SRGAP3: variants seen among roughly 807,000 people sequenced by gnomAD.
SRGAP3 encodes SLIT-ROBO Rho GTPase activating protein 3.
SRGAP3 carries 39 observed loss-of-function variants against 121.1 expected under a neutral mutation model. The observed-to-expected ratio is 0.32, with a 90% CI of 0.25 to 0.42. The LOEUF (loss-of-function observed/expected upper bound fraction) is 0.42, where lower values mean the gene tolerates loss of function less well. Ranked by LOEUF, SRGAP3 falls within the 10% of genes least tolerant of loss-of-function variation. The probability of loss-of-function intolerance (pLI) is 1.00; values close to 1 mark genes in which losing one functional copy is unlikely to be tolerated. For missense variants in SRGAP3, 1,213 were observed against 1,470.6 expected (o/e 0.82, Z 2.86); for synonymous variants, 601 against 570.0 (o/e 1.05, Z -0.77).
At chr3:9,256,527 T>C (rs1234256638) in intron 3 of SRGAP3, among the ~76,000 whole-genome samples, 1 of 151,828 alleles carries the variant, frequency 6.6e-6, no homozygotes, top group Non-Finnish European at 1.5e-5. Context: ...GCTTAAAGCT[T>C]ACACTTTGAG....
intron 1 of SRGAP3, among the ~76,000 whole-genome samples, chr3:9,352,757 C>T (rs2030263427): frequency 6.6e-6 from 1 of 152,252 alleles, no homozygotes; most frequent in African/African-American, 2.4e-5. Flanking sequence ...GTCTCATCAA[C>T]TCTGTGACTT....
At chr3:9,099,264 G>A (rs1948111908) in intron 3 of SRGAP3, among the ~76,000 whole-genome samples, 1 of 152,104 alleles carries the variant, frequency 6.6e-6, no homozygotes, top group South Asian at 2.1e-4. Flanking sequence ...CCCCCACATG[G>A]CCTCGCTTCT....
intron 5 of SRGAP3, among the ~76,000 whole-genome samples, chr3:9,063,475 T>A (rs1243993242): frequency 6.6e-6 from 1 of 151,874 alleles, no homozygotes; most frequent in Non-Finnish European, 1.5e-5. Context: ...CATGTTTTTT[T>A]AAGAGCAACA....
chr3:9,098,154 T>C (rs1948065562), intron 3 of SRGAP3, among the ~76,000 whole-genome samples: 1 of 152,190 alleles, frequency 6.6e-6, no homozygotes, highest in Admixed American at 6.5e-5. Context: ...GTGATAACCA[T>C]CCCTCTCTGC....
intron 1 of SRGAP3, chr3:9,125,119 G>T (rs1457526958): frequency 1.7e-5 from 11 of 647,130 alleles, no homozygotes; most frequent in Admixed American, 2.8e-5. Context: ...TTTTGCCATT[G>T]ATCTAACCAA....
At chr3:9,065,276 A>C (rs1490948672) in intron 4 of SRGAP3, 4 of 152,214 alleles carry the variant, frequency 2.6e-5, no homozygotes, top group Non-Finnish European at 5.9e-5. Flanking sequence ...TAATAAAAAA[A>C]ATGGATATTG....
intron 3 of SRGAP3, among the ~76,000 whole-genome samples, chr3:9,311,674 T>C (rs1420130426): frequency 2.0e-5 from 3 of 152,186 alleles, no homozygotes; most frequent in Non-Finnish European, 4.4e-5. Flanking sequence ...TATTCAAATA[T>C]GTAAAAGCCC....
chr3:9,088,638 C>T (rs564860729), intron 3 of SRGAP3, among the ~76,000 whole-genome samples: 33 of 152,188 alleles, frequency 2.2e-4, no homozygotes, highest in Non-Finnish European at 4.6e-4. Context: ...CTCCCCCTCT[C>T]CTGCCCAATT....
chr3:9,017,735 A>C (rs180854175), intron 14 of SRGAP3, among the ~76,000 whole-genome samples: 136 of 152,326 alleles, frequency 8.9e-4, no homozygotes, highest in African/African-American at 3.2e-3. Flanking sequence ...TTTTACTGAT[A>C]TATAACATTT....
chr3:9,018,655 T>C (rs749574484), intron 14 of SRGAP3, among the ~76,000 whole-genome samples: 1 of 152,244 alleles, frequency 6.6e-6, no homozygotes, highest in Admixed American at 6.5e-5. Context: ...TAAAAATGTA[T>C]GATCGGAGTA....
chr3:9,224,474 C>G (rs964292736), intron 1 of SRGAP3, among the ~76,000 whole-genome samples: 8 of 152,174 alleles, frequency 5.3e-5, no homozygotes, highest in African/African-American at 1.9e-4. Context: ...CATGCAGACT[C>G]CAGCATCTTC....
chr3:9,004,513 C>T (rs1189051421), intron 18 of SRGAP3, among the ~76,000 whole-genome samples: 2 of 152,136 alleles, frequency 1.3e-5, no homozygotes, highest in Non-Finnish European at 2.9e-5. Flanking sequence ...ATCCCAATTT[C>T]AAAGCTTACT....
Position 9,249,076 on chromosome 3 carries a change from C to T in SRGAP3, c.-125G>A, listed in dbSNP as rs555501765. ...ATTTCACAGGTTTAGGGACTAATCTCTTTCACTTGGCTGCAGAGCAGGGAG... is the reference window on the plus strand; with the variant it reads ...ATTTCACAGGTTTAGGGACTAATCTTTTTCACTTGGCTGCAGAGCAGGGAG... On this transcript the variant is annotated 5_prime_UTR_variant, in exon 1 of 22. Transcript: ENST00000383836. 3 of 931,968 alleles carry T rather than the reference C, an allele frequency of 3.2e-6. No homozygotes were observed. In the African/African-American group the frequency reaches 4.9e-5, roughly 15 times the overall value. The allele number at this position is 931,968 out of a possible 1,614,324, so 57.7% of individuals were successfully genotyped here. A position where few individuals can be genotyped will look rare whatever the true frequency, so the allele number is the denominator to read the frequency against.
chr3:9,304,568 G>C (rs916099379), intron 3 of SRGAP3, among the ~76,000 whole-genome samples: 1 of 152,172 alleles, frequency 6.6e-6, no homozygotes, highest in African/African-American at 2.4e-5. Flanking sequence ...CTGACGCCCA[G>C]GTTCACCATG....
chr3:9,038,590 G>A (rs1256693268), intron 10 of SRGAP3, among the ~76,000 whole-genome samples: 1 of 152,236 alleles, frequency 6.6e-6, no homozygotes, highest in Non-Finnish European at 1.5e-5. Flanking sequence ...CAGCCGTAAG[G>A]CTGGTGCTCC....
chr3:9,071,812 C>G (rs909785528), intron 4 of SRGAP3, among the ~76,000 whole-genome samples: 3 of 151,880 alleles, frequency 2.0e-5, no homozygotes, highest in Non-Finnish European at 4.4e-5. Context: ...AACAGCTACA[C>G]CTTCAATTAT....
Position 9,015,713 on chromosome 3 carries a change from T to C in SRGAP3, c.1697A>G (p.Asp566Gly), listed in dbSNP as rs750809295. Residue 566 changes from aspartate (D) to glycine (G), a missense_variant, in exon 15 of 22, where the codon GAC (aspartate) becomes GGC (glycine). Asp to Gly is a moderately conservative substitution (Grantham distance 94). This residue lies in a region of SRGAP3 where 793 missense variants were observed against 1,032.9 expected (regional missense o/e 0.77). Transcript: ENST00000383836. ...ATTGATATCTCGTTCATTTTGATCG[T>C]CCACAAGGGGGTCTTCACCTGAGTG... ...SFERGEDPLVDDQNERDINSV... is the reference protein window; with the variant it reads ...SFERGEDPLVGDQNERDINSV... 1.2e-6 allele frequency: 2 copies of C among 1,614,060 alleles called. No homozygotes were observed. The highest frequency in any genetic ancestry group is 1.7e-6 in the Non-Finnish European group (2 of 1,180,044).
intron 3 of SRGAP3, among the ~76,000 whole-genome samples, chr3:9,271,746 C>A (rs910291020): frequency 6.6e-6 from 1 of 152,180 alleles, no homozygotes; most frequent in Non-Finnish European, 1.5e-5. Context: ...AAGCATGATG[C>A]ACTAAGAAAA....
intron 2 of SRGAP3, among the ~76,000 whole-genome samples, chr3:9,105,874 T>C (rs1948402463): frequency 6.6e-6 from 1 of 152,244 alleles, no homozygotes; most frequent in South Asian, 2.1e-4. Context: ...CATCATAGTT[T>C]AGCCTACCCT....
Sources: gnomAD v4.1 joint callset for allele counts (sites outside exome capture counted in the v4.1 genomes callset) on GRCh38, gnomAD v4.1.1 for gene constraint, gnomAD v4.1.1 regional missense constraint, MANE v1.5 for transcripts, NCBI Gene and HGNC (gene_info 2026-07-23, HGNC 2026-07-21) for gene names.